Variants in AFF2 observed in about 807,000 individuals in gnomAD.
The protein encoded by AFF2 is AF4/FMR2 family member 2.
AFF2 carries 14 observed loss-of-function variants against 76.9 expected under a neutral mutation model. The observed-to-expected ratio is 0.18, with a 90% confidence interval of 0.12 to 0.28. AFF2 has a LOEUF of 0.28. AFF2 is among the 10% of genes least tolerant of loss of function. The pLI, the probability that AFF2 is intolerant of heterozygous loss-of-function variation, is 1.00. For missense variants in AFF2, 868 were observed against 1,001.1 expected (o/e 0.87, Z 1.79); for synonymous variants, 398 against 366.7 (o/e 1.09, Z -0.98).
rs1177323726 is a variant in AFF2 at position 148,896,193 on chromosome X, T to C, written c.1360-8028T>C. Reference sequence around the variant, plus strand: ...ACTCCTTAGCTCAGGGGAGCAGGTGTGTTATGAAATGAGGGGAAGGGCACT... The same window carrying C: ...ACTCCTTAGCTCAGGGGAGCAGGTGCGTTATGAAATGAGGGGAAGGGCACT... On this transcript the variant is annotated intron_variant, in intron 8 of 20. Transcript: ENST00000370460. Among the ~76,000 whole-genome samples the C allele has an allele frequency of 1.9e-4, 21 of 110,987 alleles. No individual in the cohort carries two copies. In the Admixed American group the frequency reaches 1.9e-3, roughly 10 times the overall value.
intron 4 of AFF2, among the ~76,000 whole-genome samples, chrX:148,829,939 T>C (rs919302327): frequency 1.8e-5 from 2 of 112,306 alleles, no homozygotes; most frequent in South Asian, 7.4e-4. Flanking sequence ...ATCTCTTTCA[T>C]GTGAAAGACT....
chrX:148,866,935 G>A (rs1271270477), intron 7 of AFF2, among the ~76,000 whole-genome samples: 2 of 111,747 alleles, frequency 1.8e-5, no homozygotes, highest in African/African-American at 6.5e-5. Flanking sequence ...GAAAACCGAG[G>A]GATTCGATAT....
rs782033335 is a variant in AFF2, at chrX:148,895,703, A to G, written c.1360-8518A>G. On this transcript the variant is annotated intron_variant, in intron 8 of 20. Transcript: ENST00000370460. ...GGCACACCACTGCCCTCACCTATGGATGTGTCTGTTCCAATCCCATATGCT... is the reference window on the plus strand; with the variant it reads ...GGCACACCACTGCCCTCACCTATGGGTGTGTCTGTTCCAATCCCATATGCT... 2.7e-5 allele frequency among the ~76,000 whole-genome samples: 3 copies of G among 110,588 alleles called. No homozygotes were observed. In the Admixed American group the frequency reaches 2.9e-4, roughly 11 times the overall value.
intron 3 of AFF2, among the ~76,000 whole-genome samples, chrX:148,807,605 T>C (rs1238795820): frequency 1.8e-5 from 2 of 112,354 alleles, no homozygotes; most frequent in African/African-American, 6.5e-5. Flanking sequence ...CACTGTGATT[T>C]AAAAATTAAC....
At chrX:148,547,174 T>C (rs1191521863) in intron 1 of AFF2, 2 of 106,096 alleles carry the variant, frequency 1.9e-5, no homozygotes, top group Non-Finnish European at 3.9e-5. Context: ...GAGGTTCATT[T>C]TGAACATGAC....
intron 3 of AFF2, among the ~76,000 whole-genome samples, chrX:148,737,003 T>A (rs1329849237): frequency 8.9e-6 from 1 of 111,850 alleles, no homozygotes; most frequent in Non-Finnish European, 1.9e-5. Context: ...TACCACACTG[T>A]TTTGGTGACT....
intron 3 of AFF2, among the ~76,000 whole-genome samples, chrX:148,785,754 T>TTAATTA (rs1206890045): frequency 1.8e-5 from 2 of 112,015 alleles, no homozygotes; most frequent in Non-Finnish European, 3.8e-5. Context: ...CTGTAAAAAA[T>TTAATTA]TAATTAGCAC....
rs782127598 is a variant in AFF2, at chrX:148,956,371, C to G, written c.2326C>G (p.Pro776Ala). Residue 776 changes from proline (P) to alanine (A), a missense_variant, in exon 11 of 21, where the codon CCA becomes GCA. Physicochemically the swap from Pro to Ala is conservative, Grantham distance 27. Coordinates refer to ENST00000370460, the MANE Select transcript of AFF2 (RefSeq NM_002025.4). ...NNNLSISNEE[P>A]TFSPIPVMQT... ...CAACTTATCCATCAGTAATGAAGAGCCAACATTTTCACCTATTCCTGTCAT... is the reference window on the plus strand; with the variant it reads ...CAACTTATCCATCAGTAATGAAGAGGCAACATTTTCACCTATTCCTGTCAT... 8.3e-7 allele frequency: 1 copy of G among 1,211,539 alleles called. No individual in the cohort carries two copies. Among genetic ancestry groups the G allele is most frequent in the Non-Finnish European group, 1.1e-6 (1 of 895,375 alleles).
At chrX:148,711,417 G>A (rs782151386) in intron 3 of AFF2, among the ~76,000 whole-genome samples, 3 of 111,932 alleles carry the variant, frequency 2.7e-5, no homozygotes, top group East Asian at 5.6e-4. Flanking sequence ...AAGGGGAATC[G>A]TATTTGATGT....
intron 7 of AFF2, among the ~76,000 whole-genome samples, chrX:148,874,211 C>T (rs1252081441): frequency 9.0e-6 from 1 of 111,618 alleles, no homozygotes; most frequent in Admixed American, 9.5e-5. Flanking sequence ...GCTTAAACTG[C>T]TTTCTTCAAC....
intron 4 of AFF2, among the ~76,000 whole-genome samples, chrX:148,829,462 A>G: frequency 8.9e-6 from 1 of 111,874 alleles, no homozygotes; most frequent in South Asian, 3.7e-4. Flanking sequence ...AGTTCAGCAA[A>G]CAATCAGACA....
At chrX:148,678,966 A>T (rs2054516474) in intron 3 of AFF2, among the ~76,000 whole-genome samples, 1 of 110,793 alleles carries the variant, frequency 9.0e-6, no homozygotes, top group African/African-American at 3.3e-5. Context: ...TTGCATCAAC[A>T]CTCGTTCAAT....
chrX:148,756,112 A>G, intron 3 of AFF2, among the ~76,000 whole-genome samples: 1 of 112,470 alleles, frequency 8.9e-6, no homozygotes, highest in Non-Finnish European at 1.9e-5. Context: ...TGTAAGGAAG[A>G]TATTTAACTG....
intron 9 of AFF2, among the ~76,000 whole-genome samples, chrX:148,931,950 G>A (rs905976025): frequency 2.7e-5 from 3 of 111,694 alleles, no homozygotes; most frequent in African/African-American, 9.7e-5. Context: ...ACACGTCTTA[G>A]GCTAACGTCA....
chrX:148,584,775 G>A (rs782689678), intron 1 of AFF2, among the ~76,000 whole-genome samples: 1 of 109,951 alleles, frequency 9.1e-6, no homozygotes, highest in Non-Finnish European at 1.9e-5. Flanking sequence ...TCCTGACCTC[G>A]TGATCCGCCC....
intron 9 of AFF2, among the ~76,000 whole-genome samples, chrX:148,948,315 T>C (rs1959801588): frequency 8.9e-6 from 1 of 112,003 alleles, no homozygotes; most frequent in African/African-American, 3.2e-5. Context: ...ATTCCTAGAC[T>C]TGCCTTAAGG....
At chrX:148,990,712 A>G (rs782460173) in intron 20 of AFF2, among the ~76,000 whole-genome samples, 3 of 111,975 alleles carry the variant, frequency 2.7e-5, no homozygotes, top group Non-Finnish European at 5.6e-5. Context: ...ACAGAATCAA[A>G]TTCCTCCTAG....
intron 7 of AFF2, among the ~76,000 whole-genome samples, chrX:148,880,834 T>A (rs1603329550): frequency 9.0e-6 from 1 of 111,717 alleles, no homozygotes; most frequent in Admixed American, 9.5e-5. Context: ...AGAGCAAGAC[T>A]CCAGCTGCAA....
intron 3 of AFF2, among the ~76,000 whole-genome samples, chrX:148,726,993 CT>C (rs1344528175): frequency 8.9e-6 from 1 of 112,029 alleles, no homozygotes; most frequent in Non-Finnish European, 1.9e-5. Context: ...GGCAGGCATC[CT>C]TTTTCTTGTG....
Sources: allele counts gnomAD v4.1 joint callset (sites outside exome capture counted in the v4.1 genomes callset), GRCh38; gene constraint gnomAD v4.1.1; transcripts MANE v1.5; gene names NCBI Gene and HGNC (gene_info 2026-07-23, HGNC 2026-07-21).